Variants in IYD observed in about 807,000 individuals in gnomAD.
The protein encoded by IYD is iodotyrosine deiodinase 1.
Under a neutral mutation model 28.4 loss-of-function variants are expected in IYD, and 25 were observed. That is an observed-to-expected ratio of 0.88 (90% CI 0.64 to 1.23). The LOEUF (loss-of-function observed/expected upper bound fraction) is 1.23, where lower values mean the gene tolerates loss of function less well. IYD is among the 50% of genes most tolerant of loss of function. The pLI is 0.00. For synonymous variants in IYD, 140 were observed against 130.8 expected (o/e 1.07, Z -0.48); for missense variants, 352 against 357.9 (o/e 0.98, Z 0.13).
chr6:150,395,539 A>C, intron 4 of IYD: 1 of 1,537,328 alleles, frequency 6.5e-7, no homozygotes, highest in Non-Finnish European at 8.7e-7. Flanking sequence ...CGAAGCCTGC[A>C]GCAAGCTCAG....
chr6:150,375,661 T>C (rs1342598586), intron 1 of IYD, among the ~76,000 whole-genome samples: 2 of 152,140 alleles, frequency 1.3e-5, no homozygotes, highest in African/African-American at 4.8e-5. Flanking sequence ...TCCATAATTC[T>C]TGTTAGCCCT....
chr6:150,396,823 G>A (rs997791316), intron 4 of IYD: 3 of 165,586 alleles, frequency 1.8e-5, no homozygotes, highest in Non-Finnish European at 2.6e-5. Flanking sequence ...GCAGTGAGCG[G>A]AGATCCCGCC....
intron 1 of IYD, among the ~76,000 whole-genome samples, chr6:150,372,932 C>T (rs1001552354): frequency 9.2e-5 from 14 of 152,160 alleles, no homozygotes; most frequent in African/African-American, 3.4e-4. Context: ...AGAAATAAGT[C>T]TCAGATTGTC....
chr6:150,395,950 G>C, intron 4 of IYD: 3 of 444,550 alleles, frequency 6.7e-6, no homozygotes, highest in Non-Finnish European at 1.2e-5. Context: ...CACTGGGTGG[G>C]GATGCTCTGC....
intron 1 of IYD, among the ~76,000 whole-genome samples, chr6:150,369,595 G>A (rs1166649278): frequency 3.9e-5 from 6 of 152,184 alleles, no homozygotes. Context: ...CACCTAGGAG[G>A]CTGCTACCTT....
chr6:150,397,641 A>T (rs1778374103), intron 4 of IYD, among the ~76,000 whole-genome samples: 1 of 151,480 alleles, frequency 6.6e-6, no homozygotes, highest in Non-Finnish European at 1.5e-5. Flanking sequence ...GGGCTAGGAC[A>T]CTGCTTTGGT....
At chr6:150,394,994 T>A (rs2143031) in intron 4 of IYD, among the ~76,000 whole-genome samples, 3 of 152,130 alleles carry the variant, frequency 2.0e-5, no homozygotes, top group Non-Finnish European at 4.4e-5. Flanking sequence ...TGCTAATTTT[T>A]GCATTTTTTG....
Position 150,369,145 on chromosome 6 carries a change from C to G in IYD, c.114C>G (p.Ala38=), listed in dbSNP as rs773444748. ...AGAAGGGGGAGCCTAGAACCAGGGCCGAAGCTCGCCCCTGGGTGGATGAAG... is the reference window on the plus strand; with the variant it reads ...AGAAGGGGGAGCCTAGAACCAGGGCGGAAGCTCGCCCCTGGGTGGATGAAG... ...EKKKGEPRTR[A]EARPWVDEDL... The change falls in exon 1 of 5, where the codon GCC becomes GCG. Residue 38 remains alanine, a synonymous_variant. Transcript: ENST00000344419. The G allele has an allele frequency of 6.2e-7, 1 of 1,613,840 alleles. No individual in the cohort carries two copies. Among genetic ancestry groups the G allele is most frequent in the Non-Finnish European group, 8.5e-7 (1 of 1,179,990 alleles).
At position 150,404,719 on chromosome 6, in the gene IYD, A is replaced by G. The variant is rs1176118421; in HGVS notation, c.*6482A>G. 6.6e-6 allele frequency: 1 copy of G among 152,160 alleles called. No homozygotes were observed. Among genetic ancestry groups the G allele is most frequent in the Admixed American group, 6.5e-5 (1 of 15,284 alleles). The allele number at this position is 152,160 out of a possible 1,614,324, so 9.4% of individuals were successfully genotyped here. A position where few individuals can be genotyped will look rare whatever the true frequency, so the allele number is the denominator to read the frequency against. On this transcript the variant is annotated 3_prime_UTR_variant, in exon 5 of 5. Transcript: ENST00000344419. Reference sequence around the variant, plus strand: ...TTCCCCAAAGAGATTTGTTTTATTTATTTGTTTACTAGTTTTATAAATAGG... The same window carrying G: ...TTCCCCAAAGAGATTTGTTTTATTTGTTTGTTTACTAGTTTTATAAATAGG...
rs140429260 is a variant in IYD at position 150,373,706 on chromosome 6, A to G, written c.178+4497A>G. Among the ~76,000 whole-genome samples, 6 of 152,322 alleles carry G rather than the reference A, an allele frequency of 3.9e-5. No homozygotes were observed. In the East Asian group the frequency reaches 1.2e-3, roughly 29 times the overall value. On this transcript the variant is annotated intron_variant, in intron 1 of 4. Coordinates refer to ENST00000344419, the MANE Select transcript of IYD (RefSeq NM_203395.3). ...GTGCTTTCTCCCTTCCACCCCACAA[A>G]GAGTTGGCTTACCAGCCCACCACTG...
At chr6:150,387,023 T>A (rs1429144283) in intron 1 of IYD, among the ~76,000 whole-genome samples, 1 of 152,204 alleles carries the variant, frequency 6.6e-6, no homozygotes, top group African/African-American at 2.4e-5. Context: ...TTGCTTTCAA[T>A]ATTTTTATAT....
At chr6:150,396,391 GATAAAA>G in intron 4 of IYD, 1 of 634,798 alleles carries the variant, frequency 1.6e-6, no homozygotes, top group Non-Finnish European at 2.8e-6. Flanking sequence ...GAGAGTGAAA[GATAAAA>G]TAATAATAGA....
intron 1 of IYD, chr6:150,384,476 C>T (rs934203216): frequency 6.6e-6 from 1 of 152,142 alleles, no homozygotes; most frequent in Non-Finnish European, 1.5e-5. Flanking sequence ...TATATTTTGC[C>T]TCCTAAGTTC....
At chr6:150,385,007 C>T (rs920123847) in intron 1 of IYD, 2 of 152,158 alleles carry the variant, frequency 1.3e-5, no homozygotes, top group Non-Finnish European at 2.9e-5. Flanking sequence ...GTTGCATCTT[C>T]ATCTTCTCTA....
chr6:150,372,782 G>A lies in IYD; in HGVS notation c.178+3573G>A, dbSNP rs577164153. ...TGTGTGTGGGTGGGGTGGGGGTGGT[G>A]AGGGAACATTGTGTGACCATGCTTA... On this transcript the variant is annotated intron_variant, in intron 1 of 4. Coordinates refer to ENST00000344419, the MANE Select transcript of IYD (RefSeq NM_203395.3). Among the ~76,000 whole-genome samples, 3 of 150,974 alleles carry A rather than the reference G, an allele frequency of 2.0e-5. No homozygotes were observed. The East Asian group carries it at 5.9e-4, about 30-fold the overall frequency.
At position 150,398,111 on chromosome 6, in the gene IYD, G is replaced by A. The variant is rs921262460; in HGVS notation, c.744G>A (p.Arg248=). The change falls in exon 5 of 5, where the codon AGG becomes AGA. Residue 248 remains arginine, a synonymous_variant. Transcript: ENST00000344419. The stretch of plus-strand genomic sequence containing the variant: ...CTCTCAACTGTGGCCCTCGACTGAG[G>A]GTGCTCCTGGGCCGCCCCGCACATG... ...TTPLNCGPRL[R]VLLGRPAHEK... is the part of the protein sequence containing the mutation. The A allele has an allele frequency of 1.2e-6, 2 of 1,614,142 alleles. No homozygotes were observed. Among genetic ancestry groups the A allele is most frequent in the Non-Finnish European group, 1.7e-6 (2 of 1,180,020 alleles).
chr6:150,371,433 A>T (rs1284846699), intron 1 of IYD, among the ~76,000 whole-genome samples: 1 of 152,204 alleles, frequency 6.6e-6, no homozygotes, highest in African/African-American at 2.4e-5. Context: ...GCAGGGACCA[A>T]CATTCTCTGA....
At position 150,369,083 on chromosome 6, in the gene IYD, T is replaced by C. The variant is rs1352099147; in HGVS notation, c.52T>C (p.Trp18Arg). ...LVAILCILVVWIFKNADRSME... is the reference protein window; with the variant it reads ...LVAILCILVVRIFKNADRSME... ...AGCCATTCTCTGCATTTTGGTTGTG[T>C]GGATCTTTAAAAATGCCGACAGAAG... The change falls in exon 1 of 5, where the codon TGG becomes CGG. Residue 18 changes from tryptophan to arginine, a missense_variant. Physicochemically the swap from Trp to Arg is moderately radical, Grantham distance 101 (BLOSUM62 -3). Transcript: ENST00000344419. 10 of 1,613,988 alleles carry C rather than the reference T, an allele frequency of 6.2e-6. No individual in the cohort carries two copies. Among genetic ancestry groups the C allele is most frequent in the Non-Finnish European group, 8.5e-6 (10 of 1,180,006 alleles).
Position 150,378,612 on chromosome 6 carries a change from G to A in IYD, c.178+9403G>A, listed in dbSNP as rs181624029. The stretch of plus-strand genomic sequence containing the variant: ...TGAGATACCATCTCACACCAGTTAG[G>A]ATGGCAATCATCAAAAAGTCAGGAA... On this transcript the variant is annotated intron_variant, in intron 1 of 4. Transcript: ENST00000344419. Among the ~76,000 whole-genome samples, 22 of 152,220 alleles carry A rather than the reference G, an allele frequency of 1.4e-4. No homozygotes were observed. In the East Asian group the frequency reaches 4.3e-3, roughly 29 times the overall value.
Sources: gnomAD v4.1 joint callset for allele counts (sites outside exome capture counted in the v4.1 genomes callset) on GRCh38, gnomAD v4.1.1 for gene constraint, MANE v1.5 for transcripts, NCBI Gene and HGNC (gene_info 2026-07-23, HGNC 2026-07-21) for gene names.